CNTN4: variants seen among roughly 807,000 people sequenced by gnomAD.
The protein encoded by CNTN4 is contactin-4.
In CNTN4, 77 loss-of-function variants were observed where a neutral mutation model predicts 122.5. The observed-to-expected ratio is 0.63, with a 90% CI of 0.52 to 0.76. The LOEUF (loss-of-function observed/expected upper bound fraction) is 0.76, where lower values mean the gene tolerates loss of function less well. Ranked by LOEUF, CNTN4 falls within the 30% of genes least tolerant of loss-of-function variation. The pLI, the probability that CNTN4 is intolerant of heterozygous loss-of-function variation, is 0.00. For synonymous variants in CNTN4, 512 were observed against 447.0 expected, an observed-to-expected ratio of 1.15 and a Z score of -1.83; for missense variants, 1,256 against 1,259.1, an observed-to-expected ratio of 1.00 and a Z score of 0.04.
intron 4 of CNTN4, among the ~76,000 whole-genome samples, chr3:2,627,660 AT>A (rs574105704): frequency 1.1e-4 from 17 of 151,586 alleles, no homozygotes; most frequent in Middle Eastern, 3.4e-3. Flanking sequence ...CGCCTGGCTA[AT>A]TTTTTGTATT....
At chr3:2,123,675 C>A (rs532385507) in intron 2 of CNTN4, among the ~76,000 whole-genome samples, 1 of 152,290 alleles carries the variant, frequency 6.6e-6, no homozygotes, top group East Asian at 1.9e-4. Context: ...TAATTAGTCG[C>A]TGACATATGA....
At chr3:2,939,152 CAG>C (rs1309911767) in intron 13 of CNTN4, among the ~76,000 whole-genome samples, 1 of 152,190 alleles carries the variant, frequency 6.6e-6, no homozygotes, top group Admixed American at 6.5e-5. Flanking sequence ...ATTTCAGTCA[CAG>C]ATATGCCAGA....
At chr3:2,606,508 A>T (rs2081267176) in intron 4 of CNTN4, among the ~76,000 whole-genome samples, 1 of 152,196 alleles carries the variant, frequency 6.6e-6, no homozygotes, top group Non-Finnish European at 1.5e-5. Context: ...AAAATAAAAT[A>T]ACTCACAGTG....
intron 2 of CNTN4, among the ~76,000 whole-genome samples, chr3:2,218,438 C>G (rs547972945): frequency 1.3e-5 from 2 of 152,052 alleles, no homozygotes; most frequent in Non-Finnish European, 2.9e-5. Flanking sequence ...GAGGATCCCT[C>G]GAGCCTGGGA....
At chr3:2,315,997 C>T (rs528985188) in intron 2 of CNTN4, among the ~76,000 whole-genome samples, 12 of 151,994 alleles carry the variant, frequency 7.9e-5, no homozygotes, top group African/African-American at 1.2e-4. Context: ...AGACTTCTAA[C>T]TTCTGGTATT....
chr3:2,647,829 T>C (rs1430682183), intron 4 of CNTN4, among the ~76,000 whole-genome samples: 1 of 152,232 alleles, frequency 6.6e-6, no homozygotes, highest in African/African-American at 2.4e-5. Context: ...AATTCCATTT[T>C]CTATTTTATG....
At chr3:2,147,736 G>A (rs1034274099) in intron 2 of CNTN4, among the ~76,000 whole-genome samples, 1 of 152,130 alleles carries the variant, frequency 6.6e-6, no homozygotes, top group Non-Finnish European at 1.5e-5. Flanking sequence ...CACAATTCTA[G>A]TCTACCTTTG....
At chr3:2,323,160 A>C (rs2043329038) in intron 2 of CNTN4, among the ~76,000 whole-genome samples, 1 of 152,126 alleles carries the variant, frequency 6.6e-6, no homozygotes, top group Non-Finnish European at 1.5e-5. Context: ...GGTCTCTTCC[A>C]TTTTAATTTC....
At chr3:2,155,701 C>T (rs947012695) in intron 2 of CNTN4, among the ~76,000 whole-genome samples, 4 of 152,170 alleles carry the variant, frequency 2.6e-5, no homozygotes, top group African/African-American at 9.7e-5. Flanking sequence ...TCTTCTCACT[C>T]TCCCCGTGCT....
intron 4 of CNTN4, 35 bp downstream of exon 4, chr3:2,571,593 A>T (rs1428060503): frequency 1.3e-6 from 2 of 1,487,520 alleles, no homozygotes; most frequent in African/African-American, 1.4e-5. Flanking sequence ...TGATTTAGAA[A>T]TGCCACTGTA....
chr3:2,360,242 A>G (rs2045069446), intron 3 of CNTN4, among the ~76,000 whole-genome samples: 1 of 152,198 alleles, frequency 6.6e-6, no homozygotes, highest in Non-Finnish European at 1.5e-5. Context: ...TCTAAACAGA[A>G]GGTCAGTTTG....
intron 3 of CNTN4, among the ~76,000 whole-genome samples, chr3:2,492,573 A>T (rs1026385946): frequency 6.6e-6 from 1 of 152,204 alleles, no homozygotes; most frequent in African/African-American, 2.4e-5. Flanking sequence ...CCATATTTAC[A>T]GATACGTAGG....
At chr3:2,754,627 T>A (rs1416638226) in intron 6 of CNTN4, among the ~76,000 whole-genome samples, 2 of 151,066 alleles carry the variant, frequency 1.3e-5, no homozygotes, top group African/African-American at 2.4e-5. Flanking sequence ...AATGGAAAAA[T>A]GGAGATGTTA....
chr3:2,866,972 T>A (rs777931140), intron 8 of CNTN4, 23 bp downstream of exon 8: 3 of 1,602,608 alleles, frequency 1.9e-6, no homozygotes, highest in Admixed American at 1.7e-5. Context: ...GTAATTTTGT[T>A]AATTTTGTTT....
intron 10 of CNTN4, among the ~76,000 whole-genome samples, chr3:2,895,391 C>T (rs562316814): frequency 2.0e-5 from 3 of 152,326 alleles, no homozygotes; most frequent in South Asian, 2.1e-4. Flanking sequence ...CTTGTTATCT[C>T]GCATACAGAT....
intron 4 of CNTN4, among the ~76,000 whole-genome samples, chr3:2,611,757 T>G (rs1292068298): frequency 6.6e-6 from 1 of 152,094 alleles, no homozygotes. Flanking sequence ...TCTTGAACAT[T>G]TGGGGAATAG....
chr3:2,351,751 G>T (rs2044632598), intron 3 of CNTN4, among the ~76,000 whole-genome samples: 1 of 150,658 alleles, frequency 6.6e-6, no homozygotes, highest in African/African-American at 2.4e-5. Context: ...GGGGACTACT[G>T]TTTATGAAAT....
At chr3:2,333,643 A>G (rs2043825444) in intron 2 of CNTN4, among the ~76,000 whole-genome samples, 2 of 152,228 alleles carry the variant, frequency 1.3e-5, no homozygotes, top group South Asian at 2.1e-4. Context: ...TGTGGTTGAT[A>G]GTATTCGTTG....
chr3:2,384,914 T>C (rs1385867059), intron 3 of CNTN4, among the ~76,000 whole-genome samples: 1 of 152,188 alleles, frequency 6.6e-6, no homozygotes, highest in East Asian at 1.9e-4. Flanking sequence ...CAATATTCTT[T>C]TTTAAAACAT....
Sources: gnomAD v4.1 joint callset for allele counts (sites outside exome capture counted in the v4.1 genomes callset) on GRCh38, gnomAD v4.1.1 for gene constraint, MANE v1.5 for transcripts, NCBI Gene and HGNC (gene_info 2026-07-23, HGNC 2026-07-21) for gene names.